PTK2B: variants seen among roughly 807,000 people sequenced by gnomAD.
PTK2B encodes the protein protein tyrosine kinase 2 beta.
In PTK2B, 71 loss-of-function variants were observed where a neutral mutation model predicts 142.9. The ratio of observed to expected loss-of-function variants is 0.50; its 90% CI spans 0.41 to 0.61. The LOEUF (loss-of-function observed/expected upper bound fraction) is 0.61, where lower values mean the gene tolerates loss of function less well. Among genes scored for constraint, PTK2B ranks in the 20% least tolerant of loss-of-function variants. PTK2B has a pLI of 0.00. For missense variants in PTK2B, 1,105 were observed against 1,320.4 expected (o/e 0.84, Z 2.53); for synonymous variants, 519 against 503.4 (o/e 1.03, Z -0.42).
chr8:27,417,161 A>G (rs533628456), intron 2 of PTK2B, among the ~76,000 whole-genome samples: 2 of 152,384 alleles, frequency 1.3e-5, no homozygotes, highest in South Asian at 2.1e-4. Flanking sequence ...TCAATTCACA[A>G]TAGCCAAAAA....
At chr8:27,384,967 C>T (rs562475979) in intron 1 of PTK2B, among the ~76,000 whole-genome samples, 1 of 152,284 alleles carries the variant, frequency 6.6e-6, no homozygotes, top group African/African-American at 2.4e-5. Context: ...TAGGTCTGTA[C>T]TCTGAATTAT....
At chr8:27,454,907 TTATC>T (rs1265879792) in intron 30 of PTK2B, among the ~76,000 whole-genome samples, 3 of 152,334 alleles carry the variant, frequency 2.0e-5, no homozygotes, top group African/African-American at 7.2e-5. Flanking sequence ...CTATTATTGT[TTATC>T]TGGTTGCCTT....
At chr8:27,320,980 CTTTTTTTTTTTTTTTTTT>C (rs776395346), upstream of PTK2B, among the ~76,000 whole-genome samples, 251 of 39,416 alleles carry the variant, frequency 6.4e-3, 4 homozygotes, top group African/African-American at 0.022. Flanking sequence ...ATACAAAAGG[CTTTTTTTTTTTTTTTTTT>C]TTTTTTTTTT....
chr8:27,451,537 G>A (rs752781535), intron 27 of PTK2B, 28 bp downstream of exon 27: 2 of 1,613,856 alleles, frequency 1.2e-6, no homozygotes, highest in African/African-American at 2.7e-5. Context: ...TCTTCGGGGG[G>A]TTTCCTCTTG....
At chr8:27,442,446 G>A (rs1267878170) in intron 21 of PTK2B, among the ~76,000 whole-genome samples, 1 of 152,068 alleles carries the variant, frequency 6.6e-6, no homozygotes, top group East Asian at 1.9e-4. Context: ...CCGGGGATGC[G>A]TTGGGGGATG....
At chr8:27,354,104 A>G (rs1036198822) in intron 1 of PTK2B, among the ~76,000 whole-genome samples, 21 of 152,164 alleles carry the variant, frequency 1.4e-4, no homozygotes, top group African/African-American at 5.1e-4. Flanking sequence ...ATGTTGGCTT[A>G]ATTCTTTCAG....
At chr8:27,310,511 G>T (rs139801195), upstream of PTK2B, among the ~76,000 whole-genome samples, 231 of 152,378 alleles carry the variant, frequency 1.5e-3, 1 homozygote, top group Middle Eastern at 0.027. Context: ...CTGGCACAAG[G>T]GGTGCATGGC....
intron 10 of PTK2B, 113 bp from the exon 11 acceptor site, chr8:27,433,322 T>C (rs770786771): frequency 1.0e-5 from 9 of 882,790 alleles, no homozygotes; most frequent in Non-Finnish European, 1.6e-5. Flanking sequence ...GCAGACAGCA[T>C]TGGCATCCAG....
chr8:27,319,497 A>G (rs1171545329), intron 3 of PTK2B, among the ~76,000 whole-genome samples: 3 of 151,990 alleles, frequency 2.0e-5, no homozygotes, highest in Non-Finnish European at 4.4e-5. Flanking sequence ...AAAAAAAATT[A>G]GCCAGGCCCG....
chr8:27,397,506 G>A (rs1808124169), intron 1 of PTK2B, 42 bp from the exon 2 acceptor site: 5 of 1,487,418 alleles, frequency 3.4e-6, no homozygotes, highest in Non-Finnish European at 4.7e-6. Context: ...ATGTGGGCCT[G>A]TGTGGGGCTC....
chr8:27,431,101 T>A (rs1478938679), intron 8 of PTK2B, 85 bp downstream of exon 8: 1 of 1,532,452 alleles, frequency 6.5e-7, no homozygotes, highest in African/African-American at 1.4e-5. Context: ...AGGGAGAGGC[T>A]GCAATCGCTG....
At chr8:27,440,527 A>G (rs1056166585) in intron 21 of PTK2B, 86 bp downstream of exon 21, 1 of 1,462,630 alleles carries the variant, frequency 6.8e-7, no homozygotes, top group Non-Finnish European at 9.4e-7. Context: ...TTTGCACCAC[A>G]TCTCCCTAAA....
rs1810984342 is a variant in PTK2B, at chr8:27,439,059, G to A, written c.1672G>A (p.Ala558Thr). Residue 558 changes from alanine (A) to threonine (T), a missense_variant, in exon 19 of 31, where the codon GCC becomes ACC. Physicochemically the swap from Ala to Thr is moderately conservative, Grantham distance 58 (BLOSUM62 0). Transcript: ENST00000346049. ...CATTGCTGTCCGGAACATCCTGGTGGCCTCCCCTGAGTGTGTGAAGCTGGG... is the reference window on the plus strand; with the variant it reads ...CATTGCTGTCCGGAACATCCTGGTGACCTCCCCTGAGTGTGTGAAGCTGGG... ...RDIAVRNILV[A>T]SPECVKLGDF... The A allele has an allele frequency of 6.2e-7, 1 of 1,613,966 alleles. No homozygotes were observed. Among genetic ancestry groups the A allele is most frequent in the Non-Finnish European group, 8.5e-7 (1 of 1,179,972 alleles).
intron 21 of PTK2B, among the ~76,000 whole-genome samples, chr8:27,442,663 A>G (rs1437144533): frequency 6.6e-6 from 1 of 152,102 alleles, no homozygotes; most frequent in East Asian, 1.9e-4. Flanking sequence ...CATTCCTGTG[A>G]TCCTCCCAAC....
intron 11 of PTK2B, 42 bp downstream of exon 11, chr8:27,433,594 C>A: frequency 6.6e-7 from 1 of 1,523,026 alleles, no homozygotes; most frequent in Non-Finnish European, 9.1e-7. Flanking sequence ...CCACGGGTGG[C>A]AGCACACCCG....
intron 2 of PTK2B, among the ~76,000 whole-genome samples, chr8:27,406,673 A>G (rs1490389800): frequency 6.6e-6 from 1 of 152,076 alleles, no homozygotes; most frequent in Non-Finnish European, 1.5e-5. Flanking sequence ...GGGGCTTGGC[A>G]TTTGGTGGGT....
chr8:27,349,994 G>C (rs1369843520), intron 1 of PTK2B, among the ~76,000 whole-genome samples: 1 of 152,194 alleles, frequency 6.6e-6, no homozygotes. Context: ...ACCCGGTCAA[G>C]ACTTCAGCCC....
chr8:27,433,953 C>G, intron 11 of PTK2B, 140 bp from the exon 12 acceptor site: 2 of 1,201,084 alleles, frequency 1.7e-6, no homozygotes, highest in Non-Finnish European at 2.5e-6. Context: ...CAAGGCCTCA[C>G]TAGCTCCCAG....
intron 1 of PTK2B, among the ~76,000 whole-genome samples, chr8:27,356,573 T>A (rs1212392746): frequency 6.6e-6 from 1 of 152,220 alleles, no homozygotes; most frequent in Non-Finnish European, 1.5e-5. Context: ...GTATAGATCC[T>A]CACTGCTCAC....
Sources: allele counts gnomAD v4.1 joint callset (sites outside exome capture counted in the v4.1 genomes callset), GRCh38; gene constraint gnomAD v4.1.1; transcripts MANE v1.5; gene names NCBI Gene and HGNC (gene_info 2026-07-23, HGNC 2026-07-21).